CCDC144A: variants seen among roughly 807,000 people sequenced by gnomAD.
CCDC144A encodes coiled-coil domain-containing protein 144A.
A neutral mutation model predicts 143.8 loss-of-function variants in CCDC144A; 41 were observed. That is an observed-to-expected ratio of 0.29 (90% CI 0.22 to 0.37). The LOEUF is 0.37. Ranked by LOEUF, CCDC144A falls within the 10% of genes least tolerant of loss-of-function variation. The pLI is 1.00. For missense variants in CCDC144A, 637 were observed against 1,488.8 expected (o/e 0.43, Z 9.41); for synonymous variants, 242 against 517.9 (o/e 0.47, Z 7.23).
intron 1 of CCDC144A, among the ~76,000 whole-genome samples, chr17:16,692,755 A>C (rs1463191565): frequency 2.6e-5 from 4 of 151,522 alleles, no homozygotes. Flanking sequence ...AATGTGAGTT[A>C]ATTTACTGAG....
intron 15 of CCDC144A, among the ~76,000 whole-genome samples, chr17:16,769,233 G>C (rs1392355818): frequency 6.6e-6 from 1 of 152,170 alleles, no homozygotes; most frequent in Non-Finnish European, 1.5e-5. Flanking sequence ...AGCCAAGCAA[G>C]CACACTGTGT....
chr17:16,767,063 G>A (rs1372885792), intron 15 of CCDC144A: 1 of 152,570 alleles, frequency 6.6e-6, no homozygotes, highest in African/African-American at 2.4e-5. Context: ...GGGAGGCCGA[G>A]GCGAGTGGGT....
At chr17:16,737,550 G>C in intron 12 of CCDC144A, 4 of 1,291,336 alleles carry the variant, frequency 3.1e-6, no homozygotes, top group Non-Finnish European at 4.1e-6. Context: ...AGTTATGAGA[G>C]AATTCCAACA....
chr17:16,669,860 A>G, the CCDC144A span, among the ~76,000 whole-genome samples: 1 of 152,174 alleles, frequency 6.6e-6, no homozygotes, highest in Non-Finnish European at 1.5e-5. Context: ...TTACCCTAAC[A>G]TAAGTCAAGG....
chr17:16,686,067 C>T (rs1244350995), upstream of CCDC144A, among the ~76,000 whole-genome samples: 1 of 151,064 alleles, frequency 6.6e-6, no homozygotes, highest in East Asian at 1.9e-4. Context: ...TGGGCATGAG[C>T]CACCGAGCCC....
At chr17:16,764,358 A>G in intron 15 of CCDC144A, 183 bp downstream of exon 15, 1 of 1,376,792 alleles carries the variant, frequency 7.3e-7, no homozygotes, top group Admixed American at 2.9e-5. Flanking sequence ...CATTGATAAG[A>G]GATTACTCCT....
chr17:16,746,794 G>A (rs1914547439), intron 12 of CCDC144A: 3 of 1,505,280 alleles, frequency 2.0e-6, no homozygotes, highest in Non-Finnish European at 2.7e-6. Context: ...CCACCGGGGC[G>A]GAGCGTGGAC....
At chr17:16,681,258 C>T in the CCDC144A span, among the ~76,000 whole-genome samples, 1 of 151,942 alleles carries the variant, frequency 6.6e-6, no homozygotes, top group South Asian at 2.1e-4. Context: ...GAAATGCTTA[C>T]AGCTTCCCAC....
Position 16,762,534 on chromosome 17 carries a change from G to C in CCDC144A, c.3887+1G>C, listed in dbSNP as rs1442948427. Reference sequence around the variant, plus strand: ...AATCCTTGTCAAATGAACTCAGTAGGTAAGTCAATATGCAGAATCATAGAA... The same window carrying C: ...AATCCTTGTCAAATGAACTCAGTAGCTAAGTCAATATGCAGAATCATAGAA... On this transcript the variant is annotated splice_donor_variant, in intron 14 of 16. Transcript: ENST00000399273. LOFTEE classifies it high-confidence loss of function. The C allele has an allele frequency of 6.4e-7, 1 of 1,566,350 alleles. No homozygotes were observed.
intron 15 of CCDC144A, chr17:16,766,409 T>C (rs578158317): frequency 9.2e-5 from 14 of 152,376 alleles, no homozygotes; most frequent in African/African-American, 3.4e-4. Flanking sequence ...AAAAACAAGG[T>C]AATGTATCAT....
intron 2 of CCDC144A, among the ~76,000 whole-genome samples, chr17:16,699,493 A>G (rs9897197): frequency 7.3e-4 from 33 of 44,948 alleles, no homozygotes; most frequent in East Asian, 1.8e-3. Context: ...CTCCTGCCTC[A>G]GCCTCCTGAG....
intron 12 of CCDC144A, among the ~76,000 whole-genome samples, chr17:16,752,209 C>T (rs1275726682): frequency 6.6e-6 from 1 of 152,162 alleles, no homozygotes; most frequent in Admixed American, 6.5e-5. Flanking sequence ...CTCATAGGAG[C>T]GCGAGCCGTG....
At chr17:16,697,145 G>A (rs1412857925) in intron 2 of CCDC144A, among the ~76,000 whole-genome samples, 4 of 151,988 alleles carry the variant, frequency 2.6e-5, no homozygotes, top group Admixed American at 6.6e-5. Context: ...ACAGGGAATC[G>A]CTATTGGGTA....
At chr17:16,745,566 C>T (rs897413562) in intron 12 of CCDC144A, 3 of 1,434,440 alleles carry the variant, frequency 2.1e-6, no homozygotes, top group African/African-American at 1.4e-5. Context: ...CAGTCACACT[C>T]GGGGTCATTT....
chr17:16,728,811 C>T (rs1450569566), intron 9 of CCDC144A, among the ~76,000 whole-genome samples: 3 of 152,204 alleles, frequency 2.0e-5, no homozygotes, highest in Non-Finnish European at 4.4e-5. Context: ...TATAGCTTAA[C>T]TCCCTATTAT....
intron 15 of CCDC144A, 188 bp downstream of exon 15, chr17:16,764,363 A>G: frequency 3.0e-6 from 4 of 1,350,688 alleles, no homozygotes; most frequent in African/African-American, 3.0e-5. Flanking sequence ...ATAAGAGATT[A>G]CTCCTTTGTT....
the CCDC144A span, among the ~76,000 whole-genome samples, chr17:16,682,883 GTTTTTTTTTTTTTT>G: frequency 0.017 from 794 of 46,406 alleles, 3 homozygotes; most frequent in Middle Eastern, 0.05. Flanking sequence ...TGGATTCTCT[GTTTTTTTTTTTTTT>G]TTTTTTTTTT....
At chr17:16,746,569 T>G (rs146000507) in intron 12 of CCDC144A, 2 of 1,613,230 alleles carry the variant, frequency 1.2e-6, no homozygotes, top group Non-Finnish European at 1.7e-6. Flanking sequence ...GGAAGATATA[T>G]CCATCAAAAC....
chr17:16,673,387 ATTT>A, the CCDC144A span, among the ~76,000 whole-genome samples: 4 of 138,574 alleles, frequency 2.9e-5, no homozygotes, highest in Non-Finnish European at 1.6e-5. Flanking sequence ...AGTTATCTTC[ATTT>A]TTTTTTTTTT....
Sources: gnomAD v4.1 joint callset for allele counts (sites outside exome capture counted in the v4.1 genomes callset) on GRCh38, gnomAD v4.1.1 for gene constraint, MANE v1.5 for transcripts, NCBI Gene and HGNC (gene_info 2026-07-23, HGNC 2026-07-21) for gene names.